ZNF385D: variants seen among roughly 807,000 people sequenced by gnomAD.
ZNF385D encodes zinc finger protein 659.
Under a neutral mutation model 35.8 loss-of-function variants are expected in ZNF385D, and 15 were observed. The observed-to-expected ratio is 0.42, with a 90% CI of 0.28 to 0.64. The LOEUF (loss-of-function observed/expected upper bound fraction) is 0.64, where lower values mean the gene tolerates loss of function less well. ZNF385D is among the 30% of genes least tolerant of loss of function. ZNF385D has a pLI of 0.23. For missense variants in ZNF385D, 474 were observed against 494.6 expected (o/e 0.96, Z 0.39); for synonymous variants, 212 against 186.8 (o/e 1.13, Z -1.10).
At chr3:21,874,201 T>C (rs73040559) in intron 3 of ZNF385D, among the ~76,000 whole-genome samples, 10,238 of 152,086 alleles carry the variant, frequency 0.067, 513 homozygotes, top group East Asian at 0.18. Flanking sequence ...TCCTAACAAG[T>C]GTAAACAATA....
At chr3:21,694,042 C>CTTTTTTTTTGTTTTTTTT (rs2067380374) in intron 1 of ZNF385D, among the ~76,000 whole-genome samples, 1 of 22,176 alleles carries the variant, frequency 4.5e-5, no homozygotes, top group Non-Finnish European at 8.5e-5. Flanking sequence ...CTACGCCTGG[C>CTTTTTTTTTGTTTTTTTT]TTTTTTTTTT....
intron 3 of ZNF385D, among the ~76,000 whole-genome samples, chr3:22,012,983 T>C (rs1423711800): frequency 5.9e-5 from 9 of 152,052 alleles, no homozygotes; most frequent in Admixed American, 3.3e-4. Flanking sequence ...GAAAAAAATG[T>C]AAAATTAAAA....
chr3:22,265,862 T>C (rs537721604), intron 2 of ZNF385D, among the ~76,000 whole-genome samples: 2 of 151,970 alleles, frequency 1.3e-5, no homozygotes, highest in East Asian at 1.9e-4. Context: ...TAAGGTCACA[T>C]AGAGGTTAAG....
At chr3:22,083,102 T>C (rs2125586704) in intron 3 of ZNF385D, among the ~76,000 whole-genome samples, 1 of 152,212 alleles carries the variant, frequency 6.6e-6, no homozygotes, top group East Asian at 1.9e-4. Context: ...CAAAGGTAGA[T>C]AAAACCACGA....
chr3:22,091,526 C>A (rs1576303837), intron 3 of ZNF385D, among the ~76,000 whole-genome samples: 1 of 152,146 alleles, frequency 6.6e-6, no homozygotes, highest in East Asian at 1.9e-4. Flanking sequence ...CCACTGAACA[C>A]TGTGTTCCTA....
At chr3:22,193,693 T>A (rs1696215892) in intron 2 of ZNF385D, among the ~76,000 whole-genome samples, 1 of 152,050 alleles carries the variant, frequency 6.6e-6, no homozygotes, top group African/African-American at 2.4e-5. Flanking sequence ...CTATTATATA[T>A]TGGGGCTCTT....
intron 2 of ZNF385D, among the ~76,000 whole-genome samples, chr3:21,578,881 T>A (rs1559425895): frequency 6.6e-6 from 1 of 152,200 alleles, no homozygotes; most frequent in Non-Finnish European, 1.5e-5. Flanking sequence ...ATCATTGGTA[T>A]TTTGATAAGG....
chr3:22,199,798 A>G (rs890172087), intron 2 of ZNF385D, among the ~76,000 whole-genome samples: 11 of 152,148 alleles, frequency 7.2e-5, no homozygotes, highest in African/African-American at 2.7e-4. Context: ...CCCAGTCAAC[A>G]AAATATATGC....
At chr3:22,342,978 G>A (rs1174861054) in intron 2 of ZNF385D, among the ~76,000 whole-genome samples, 1 of 152,152 alleles carries the variant, frequency 6.6e-6, no homozygotes, top group Non-Finnish European at 1.5e-5. Flanking sequence ...AAATTGAGAT[G>A]TGCTGTTATG....
chr3:21,904,460 G>C (rs1297017772), intron 3 of ZNF385D, among the ~76,000 whole-genome samples: 1 of 151,992 alleles, frequency 6.6e-6, no homozygotes, highest in Non-Finnish European at 1.5e-5. Context: ...TACTATGCAG[G>C]CTAATTTCCG....
intron 2 of ZNF385D, among the ~76,000 whole-genome samples, chr3:21,652,541 G>A (rs1273253250): frequency 6.6e-6 from 1 of 152,002 alleles, no homozygotes; most frequent in Non-Finnish European, 1.5e-5. Flanking sequence ...TGTTACATAT[G>A]TATACATGTG....
chr3:22,306,451 T>G (rs1703224782), intron 2 of ZNF385D, among the ~76,000 whole-genome samples: 1 of 152,236 alleles, frequency 6.6e-6, no homozygotes, highest in Admixed American at 6.5e-5. Flanking sequence ...TCTATTTTCA[T>G]CTCTTCTGTT....
chr3:21,857,030 A>C (rs1457394863), intron 3 of ZNF385D, among the ~76,000 whole-genome samples: 1 of 152,018 alleles, frequency 6.6e-6, no homozygotes, highest in Non-Finnish European at 1.5e-5. Flanking sequence ...GCAGAAATGC[A>C]ATTTCTAGGT....
chr3:21,556,068 G>GTTTTTTTTTTTTTTTTTTTTTATTTT (rs148079775), intron 3 of ZNF385D, among the ~76,000 whole-genome samples: 1 of 99,020 alleles, frequency 1.0e-5, no homozygotes. Context: ...TTTTGTTTTT[G>GTTTTTTTTTTTTTTTTTTTTTATTTT]TTTTTTTTTT....
At chr3:21,662,835 A>G in intron 2 of ZNF385D, among the ~76,000 whole-genome samples, 1 of 152,238 alleles carries the variant, frequency 6.6e-6, no homozygotes, top group Non-Finnish European at 1.5e-5. Context: ...TCACATTTTC[A>G]GAATCAGAAG....
At chr3:21,980,072 T>A (rs1482343177) in intron 3 of ZNF385D, among the ~76,000 whole-genome samples, 3 of 152,200 alleles carry the variant, frequency 2.0e-5, no homozygotes, top group Non-Finnish European at 4.4e-5. Context: ...TTTTACTTCT[T>A]TGATCCTTTT....
intron 1 of ZNF385D, among the ~76,000 whole-genome samples, chr3:21,724,023 A>G (rs570130834): frequency 9.2e-5 from 14 of 152,200 alleles, no homozygotes; most frequent in Non-Finnish European, 1.8e-4. Context: ...AGAATGTTCA[A>G]GCTAGAATTT....
chr3:22,105,277 T>A (rs1004541920), intron 3 of ZNF385D, among the ~76,000 whole-genome samples: 5 of 151,618 alleles, frequency 3.3e-5, no homozygotes, highest in Admixed American at 2.6e-4. Context: ...TTAACACACT[T>A]AATTAAACTC....
At chr3:22,185,173 A>G (rs1035161532) in intron 2 of ZNF385D, among the ~76,000 whole-genome samples, 12 of 151,476 alleles carry the variant, frequency 7.9e-5, no homozygotes, top group African/African-American at 2.4e-4. Flanking sequence ...AAGGTTGTAG[A>G]AACTTTAAAA....
Sources: gnomAD v4.1 joint callset for allele counts (sites outside exome capture counted in the v4.1 genomes callset) on GRCh38, gnomAD v4.1.1 for gene constraint, MANE v1.5 for transcripts, NCBI Gene and HGNC (gene_info 2026-07-23, HGNC 2026-07-21) for gene names.